Variants in DHRS7B observed in about 807,000 individuals in gnomAD.
The protein encoded by DHRS7B is dehydrogenase/reductase 7B, also known as peroxisomal reductase activating PPAR-gamma.
DHRS7B carries 24 observed loss-of-function variants against 26.4 expected under a neutral mutation model. That is an observed-to-expected ratio of 0.91 (90% CI 0.66 to 1.28). The LOEUF is 1.28. Among genes scored for constraint, DHRS7B ranks in the 50% most tolerant of loss-of-function variants. The pLI, the probability that DHRS7B is intolerant of heterozygous loss-of-function variation, is 0.00. For missense variants in DHRS7B, 368 were observed against 419.4 expected (o/e 0.88, Z 1.07); for synonymous variants, 142 against 166.4 (o/e 0.85, Z 1.13).
At chr17:21,157,357 G>A (rs1005374264) in intron 1 of DHRS7B, among the ~76,000 whole-genome samples, 1 of 152,174 alleles carries the variant, frequency 6.6e-6, no homozygotes, top group Non-Finnish European at 1.5e-5. Context: ...AAATGACCAA[G>A]ACCATGACCA....
intron 1 of DHRS7B, among the ~76,000 whole-genome samples, chr17:21,150,131 A>AAT (rs1973736980): frequency 6.6e-6 from 1 of 150,508 alleles, no homozygotes; most frequent in Non-Finnish European, 1.5e-5. Context: ...AAAAAAAAAA[A>AAT]ACTAAGGCAT....
At chr17:21,137,057 GC>G (rs200836364) in intron 1 of DHRS7B, among the ~76,000 whole-genome samples, 2,948 of 144,492 alleles carry the variant, frequency 0.02, 92 homozygotes, top group African/African-American at 0.072. Flanking sequence ...TGCAACCTCT[GC>G]CCCCAGGGTT....
intron 2 of DHRS7B, among the ~76,000 whole-genome samples, 166 bp from the exon 3 acceptor site, chr17:21,178,067 G>A (rs185998704): frequency 6.6e-6 from 1 of 152,270 alleles, no homozygotes; most frequent in African/African-American, 2.4e-5. Flanking sequence ...AGCACTGGGC[G>A]TGAGCCCGGC....
chr17:21,166,558 G>T, intron 1 of DHRS7B: 1 of 696,000 alleles, frequency 1.4e-6, no homozygotes, highest in Non-Finnish European at 1.8e-6. Flanking sequence ...AAAAAAGGCA[G>T]TTTGACCCTG....
At chr17:21,156,670 TAGG>T (rs1159721729) in intron 1 of DHRS7B, among the ~76,000 whole-genome samples, 1 of 151,886 alleles carries the variant, frequency 6.6e-6, no homozygotes, top group African/African-American at 2.4e-5. Context: ...CCCAGCACTT[TAGG>T]AGGCCAAGGC....
chr17:21,132,715 A>G (rs1973266255), intron 1 of DHRS7B, among the ~76,000 whole-genome samples: 1 of 152,154 alleles, frequency 6.6e-6, no homozygotes, highest in Non-Finnish European at 1.5e-5. Context: ...TTGTTTGCAC[A>G]TCCAGTTAGG....
intron 3 of DHRS7B, among the ~76,000 whole-genome samples, chr17:21,179,329 G>A (rs149806337): frequency 1.3e-5 from 2 of 152,180 alleles, no homozygotes; most frequent in East Asian, 3.9e-4. Flanking sequence ...AGGCACTGTG[G>A]CTCATGCCTG....
chr17:21,154,635 G>T (rs1436734270), intron 1 of DHRS7B, among the ~76,000 whole-genome samples: 1 of 152,140 alleles, frequency 6.6e-6, no homozygotes, highest in African/African-American at 2.4e-5. Flanking sequence ...GAAGGTAAAA[G>T]AAAAGCATTA....
intron 1 of DHRS7B, chr17:21,171,767 G>A (rs1047145666): frequency 9.8e-6 from 6 of 609,488 alleles, no homozygotes; most frequent in East Asian, 3.1e-5. Context: ...GGCAATCTCC[G>A]CTTGTTCCCT....
chr17:21,134,962 G>C (rs539356428), intron 1 of DHRS7B, among the ~76,000 whole-genome samples: 46 of 152,176 alleles, frequency 3.0e-4, no homozygotes, highest in African/African-American at 1.1e-3. Context: ...CCTCTATTCT[G>C]ATATCACAAT....
intron 1 of DHRS7B, chr17:21,166,146 C>T (rs1039496625): frequency 6.5e-5 from 64 of 985,444 alleles, no homozygotes; most frequent in Middle Eastern, 1.0e-3. Flanking sequence ...ACAGGATTGC[C>T]GGGAAGCATG....
At chr17:21,164,046 T>TTTTTTTTTTTTTTTTTTTA (rs1974057627) in intron 1 of DHRS7B, among the ~76,000 whole-genome samples, 1 of 147,644 alleles carries the variant, frequency 6.8e-6, no homozygotes, top group Non-Finnish European at 1.5e-5. Context: ...TTTTTTTTTT[T>TTTTTTTTTTTTTTTTTTTA]GAGACAGGGT....
At chr17:21,157,103 CCAG>C (rs979580092) in intron 1 of DHRS7B, among the ~76,000 whole-genome samples, 5 of 151,980 alleles carry the variant, frequency 3.3e-5, no homozygotes, top group African/African-American at 1.2e-4. Flanking sequence ...AGCACCAAGC[CCAG>C]ATAGATTCAC....
intron 1 of DHRS7B, among the ~76,000 whole-genome samples, chr17:21,167,511 A>G (rs1974141193): frequency 6.6e-6 from 1 of 152,194 alleles, no homozygotes; most frequent in African/African-American, 2.4e-5. Context: ...AAGGACTAAG[A>G]GTGTGACTAT....
chr17:21,166,147 G>C, intron 1 of DHRS7B: 1 of 985,438 alleles, frequency 1.0e-6, no homozygotes, highest in Non-Finnish European at 1.2e-6. Flanking sequence ...CAGGATTGCC[G>C]GGAAGCATGT....
At chr17:21,132,701 A>C (rs1020668224) in intron 1 of DHRS7B, among the ~76,000 whole-genome samples, 1 of 152,172 alleles carries the variant, frequency 6.6e-6, no homozygotes, top group Non-Finnish European at 1.5e-5. Flanking sequence ...GAGTAGGTTA[A>C]AGTTTGTTTG....
In DHRS7B at chr17:21,155,395, A is replaced by AGCATTACATT. The variant is rs1441484246; in HGVS notation, c.21-16622_21-16613dup. On this transcript the variant is annotated intron_variant, in intron 1 of 6. Coordinates refer to ENST00000395511, the MANE Select transcript of DHRS7B (RefSeq NM_015510.5). ...GCAAGGAAAGTTATCAGGGTTAAAGAGCATTACATTATGACCGCAGATCAA... is the reference window on the plus strand; with the variant it reads ...GCAAGGAAAGTTATCAGGGTTAAAGAGCATTACATTGCATTACATTATGACCGCAGATCAA... Among the ~76,000 whole-genome samples the AGCATTACATT allele has an allele frequency of 7.9e-5, 12 of 152,236 alleles. No homozygotes were observed. In the East Asian group the frequency reaches 2.3e-3, roughly 29 times the overall value.
intron 1 of DHRS7B, among the ~76,000 whole-genome samples, chr17:21,152,546 C>T (rs577161901): frequency 4.9e-4 from 74 of 152,244 alleles, no homozygotes; most frequent in Admixed American, 8.5e-4. Context: ...TCATGCTTTC[C>T]GTAAGTTTTA....
chr17:21,154,025 A>G (rs1973828721), intron 1 of DHRS7B, among the ~76,000 whole-genome samples: 2 of 152,146 alleles, frequency 1.3e-5, no homozygotes, highest in South Asian at 4.2e-4. Context: ...AATTACATCT[A>G]GGTTGGGCAT....
Sources: allele counts gnomAD v4.1 joint callset (sites outside exome capture counted in the v4.1 genomes callset), GRCh38; gene constraint gnomAD v4.1.1; transcripts MANE v1.5; gene names NCBI Gene and HGNC (gene_info 2026-07-23, HGNC 2026-07-21).